FLT3: variants seen among roughly 807,000 people sequenced by gnomAD.
The protein encoded by FLT3 is receptor-type tyrosine-protein kinase FLT3.
Under a neutral mutation model 126.6 loss-of-function variants are expected in FLT3, and 46 were observed. The observed-to-expected ratio is 0.36, with a 90% CI of 0.29 to 0.46. The LOEUF is 0.46. Among genes scored for constraint, FLT3 ranks in the 20% least tolerant of loss-of-function variants. The pLI is 1.00. For missense variants in FLT3, 1,069 were observed against 1,190.3 expected, an observed-to-expected ratio of 0.90 and a Z score of 1.50; for synonymous variants, 404 against 434.4, an observed-to-expected ratio of 0.93 and a Z score of 0.87.
At chr13:28,076,937 G>C (rs1400777360) in intron 1 of FLT3, among the ~76,000 whole-genome samples, 4 of 139,456 alleles carry the variant, frequency 2.9e-5, no homozygotes, top group African/African-American at 1.0e-4. Flanking sequence ...CTGGGTGACA[G>C]AGCAAGAGGG....
chr13:28,048,203 T>C, intron 9 of FLT3, 72 bp downstream of exon 9: 4 of 1,221,652 alleles, frequency 3.3e-6, no homozygotes, highest in Non-Finnish European at 4.7e-6. Context: ...AGTATAAAAC[T>C]GTCCTTCTCA....
At chr13:28,016,835 T>C (rs1871907003) in intron 20 of FLT3, among the ~76,000 whole-genome samples, 1 of 152,190 alleles carries the variant, frequency 6.6e-6, no homozygotes. Context: ...TAGGAGTAGA[T>C]CGTAAATCAG....
chr13:28,026,459 A>C (rs965068423), intron 17 of FLT3, among the ~76,000 whole-genome samples: 12 of 152,088 alleles, frequency 7.9e-5, no homozygotes, highest in African/African-American at 2.7e-4. Flanking sequence ...ATGATGCTCA[A>C]GTAATTAGCA....
rs781339959 is a variant in FLT3, at chr13:28,049,674, G to C, written c.843C>G (p.Phe281Leu). The change falls in exon 7 of 24, where the codon TTC (phenylalanine) becomes TTG (leucine). Residue 281 changes from phenylalanine (F) to leucine (L), a missense_variant. Physicochemically the swap from Phe to Leu is conservative, Grantham distance 22. Coordinates refer to ENST00000241453, the MANE Select transcript of FLT3 (RefSeq NM_004119.3). ...TGTTTTCTAATTCCCAGGTGAGCCC[G>C]AATCCATGGTTCACATGAACAGCTT... ...RCKAVHVNHG[F>L]GLTWELENKA... 2 of 1,614,108 alleles carry C rather than the reference G, an allele frequency of 1.2e-6. No homozygotes were observed. Among genetic ancestry groups the C allele is most frequent in the Non-Finnish European group, 1.7e-6 (2 of 1,179,986 alleles).
At chr13:28,078,677 C>T (rs1457007108) in intron 1 of FLT3, among the ~76,000 whole-genome samples, 5 of 151,806 alleles carry the variant, frequency 3.3e-5, no homozygotes, top group African/African-American at 1.2e-4. Context: ...ATTTCTGCAG[C>T]AGCTAGAATT....
At chr13:28,021,296 A>C (rs2137633260) in intron 19 of FLT3, among the ~76,000 whole-genome samples, 1 of 152,354 alleles carries the variant, frequency 6.6e-6, no homozygotes, top group South Asian at 2.1e-4. Context: ...AAGCCAAGGC[A>C]GGAGGATCGC....
Position 28,049,672 on chromosome 13 carries a change from C to G in FLT3, c.845G>C (p.Gly282Ala), listed in dbSNP as rs779148945. 2 of 1,614,108 alleles carry G rather than the reference C, an allele frequency of 1.2e-6. No individual in the cohort carries two copies. The highest frequency in any genetic ancestry group is 1.7e-6 in the Non-Finnish European group (2 of 1,180,014). ...CKAVHVNHGF[G>A]LTWELENKAL... is the part of the protein sequence containing the mutation. ...TTTGTTTTCTAATTCCCAGGTGAGC[C>G]CGAATCCATGGTTCACATGAACAGC... Residue 282 changes from glycine to alanine, a missense_variant, in exon 7 of 24, where the codon GGG becomes GCG. By Grantham distance (60) the Gly-to-Ala change is moderately conservative. Transcript: ENST00000241453.
Position 28,062,037 on chromosome 13 carries a change from C to T in FLT3, c.198G>A (p.Ala66=), listed in dbSNP as rs752191320. The change falls in exon 3 of 24, where the codon GCG becomes GCA. Residue 66 remains alanine, a synonymous_variant. Transcript: ENST00000241453. ...VSESPEDLGC[A]LRPQSSGTVY... ...CTGTCCCTGAGCTCTGGGGTCTCAACGCACACCCGAGGTCTTCCGGGGATT... is the reference window on the plus strand; with the variant it reads ...CTGTCCCTGAGCTCTGGGGTCTCAATGCACACCCGAGGTCTTCCGGGGATT... The T allele has an allele frequency of 3.7e-5, 60 of 1,612,610 alleles. No homozygotes were observed. Among genetic ancestry groups the T allele is most frequent in the East Asian group, 2.2e-4 (10 of 44,872 alleles).
At chr13:28,032,363 A>C (rs956273331) in intron 15 of FLT3, among the ~76,000 whole-genome samples, 7 of 152,228 alleles carry the variant, frequency 4.6e-5, no homozygotes, top group African/African-American at 1.7e-4. Flanking sequence ...GCGAAAACGC[A>C]AGGCGGTCCA....
At chr13:28,006,197 T>G (rs181459662) in intron 23 of FLT3, among the ~76,000 whole-genome samples, 15 of 152,208 alleles carry the variant, frequency 9.9e-5, no homozygotes, top group Non-Finnish European at 1.9e-4. Context: ...TATAGATTTG[T>G]TCCGTTCCCA....
At chr13:28,085,500 T>C (rs1878619126) in intron 1 of FLT3, among the ~76,000 whole-genome samples, 1 of 152,192 alleles carries the variant, frequency 6.6e-6, no homozygotes, top group East Asian at 1.9e-4. Flanking sequence ...TTGTCCTTGT[T>C]CTATCAATTA....
chr13:28,083,828 A>C (rs555985024), intron 1 of FLT3, among the ~76,000 whole-genome samples: 1 of 152,170 alleles, frequency 6.6e-6, no homozygotes, highest in South Asian at 2.1e-4. Context: ...TAGTGATACT[A>C]CTTCTCTCAT....
intron 1 of FLT3, among the ~76,000 whole-genome samples, chr13:28,081,107 T>C (rs1049576578): frequency 6.6e-6 from 1 of 152,196 alleles, no homozygotes; most frequent in Admixed American, 6.6e-5. Context: ...TTGGATATTC[T>C]AGTTCTCTTG....
intron 18 of FLT3, 141 bp from the exon 19 acceptor site, chr13:28,023,618 G>A: frequency 1.1e-6 from 1 of 893,308 alleles, no homozygotes; most frequent in Non-Finnish European, 1.7e-6. Context: ...GGCAGCATTA[G>A]AGATGACCTG....
chr13:28,016,611 A>G (rs1871886661), intron 20 of FLT3, among the ~76,000 whole-genome samples: 1 of 152,186 alleles, frequency 6.6e-6, no homozygotes, highest in African/African-American at 2.4e-5. Flanking sequence ...CCTTCACAGC[A>G]CATGTTTAAT....
chr13:28,025,631 T>G (rs1872728048), intron 17 of FLT3, among the ~76,000 whole-genome samples: 1 of 152,146 alleles, frequency 6.6e-6, no homozygotes, highest in Admixed American at 6.6e-5. Context: ...TATTTAATAT[T>G]CCAGTGAACA....
chr13:28,096,382 G>A (rs1274339192), intron 1 of FLT3, among the ~76,000 whole-genome samples: 1 of 151,778 alleles, frequency 6.6e-6, no homozygotes, highest in Non-Finnish European at 1.5e-5. Context: ...AGTTTTAGGG[G>A]GCAAAAAACT....
rs1483557529 is a variant in FLT3, at chr13:28,061,943, G to T, written c.292C>A (p.Pro98Thr). Residue 98 changes from proline to threonine, a missense_variant, in exon 3 of 24, where the codon CCA (proline) becomes ACA (threonine). By Grantham distance (38) the Pro-to-Thr change is conservative. Coordinates refer to ENST00000241453, the MANE Select transcript of FLT3 (RefSeq NM_004119.3). The part of the protein sequence containing the change: ...SITLQVLVDA[P>T]GNISCLWVFK... Reference sequence around the variant, plus strand: ...ACCCAGAGACAGGAAATGTTCCCTGGGGCGTCGACCAGCACTTGCAGTGTG... The same window carrying T: ...ACCCAGAGACAGGAAATGTTCCCTGTGGCGTCGACCAGCACTTGCAGTGTG... 2 of 1,613,918 alleles carry T rather than the reference G, an allele frequency of 1.2e-6. No homozygotes were observed. Among genetic ancestry groups the T allele is most frequent in the Admixed American group, 3.3e-5 (2 of 60,012 alleles).
Position 28,100,420 on chromosome 13 carries a change from G to A in FLT3, c.43+48C>T. The A allele has an allele frequency of 8.3e-7, 1 of 1,199,762 alleles. No homozygotes were observed. Among genetic ancestry groups the A allele is most frequent in the Non-Finnish European group, 1.0e-6 (1 of 962,942 alleles). The allele number at this position is 1,199,762 out of a possible 1,614,324, so 74.3% of individuals were successfully genotyped here. The stretch of plus-strand genomic sequence containing the variant: ...GCGCCCGGGTCCACACTGCGGGGTG[G>A]GGGCTGAGGGACCGCGAGGGGCTGC... On this transcript the variant is annotated intron_variant, in intron 1 of 23. Transcript: ENST00000241453. The surrounding 1 kb of genome is among the most constrained non-coding windows in gnomAD (Gnocchi z 4.8).
Sources: gnomAD v4.1 joint callset for allele counts (sites outside exome capture counted in the v4.1 genomes callset) on GRCh38, gnomAD v4.1.1 for gene constraint, Gnocchi (gnomAD v3.1) non-coding constraint, MANE v1.5 for transcripts, NCBI Gene and HGNC (gene_info 2026-07-23, HGNC 2026-07-21) for gene names.